Variants in OR1J2 observed in about 807,000 individuals in gnomAD.
OR1J2 encodes the protein olfactory receptor family 1 subfamily J member 2.
For missense variants in OR1J2, 304 were observed against 246.1 expected, an observed-to-expected ratio of 1.24 and a Z score of -1.57; for synonymous variants, 142 against 99.7, an observed-to-expected ratio of 1.42 and a Z score of -2.52.
At chr9:122,578,986 A>AAAG in the OR1J2 span, among the ~76,000 whole-genome samples, 133,819 of 151,250 alleles carry the variant, frequency 0.88, 59,307 homozygotes, top group East Asian at 0.98. Flanking sequence ...AATTACCACT[A>AAAG]AACTTATTCA....
chr9:122,513,096 A>G (rs112069751), downstream of OR1J2, among the ~76,000 whole-genome samples: 201 of 152,238 alleles, frequency 1.3e-3, no homozygotes, highest in African/African-American at 4.4e-3. Context: ...GGCTCACTTC[A>G]TTTGCCATGT....
chr9:122,522,967 C>A, the OR1J2 span, among the ~76,000 whole-genome samples: 2 of 152,160 alleles, frequency 1.3e-5, no homozygotes, highest in African/African-American at 4.8e-5. Context: ...TCATTTAATC[C>A]TCATAATAAT....
chr9:122,453,281 T>C, the OR1J2 span, among the ~76,000 whole-genome samples: 2 of 152,190 alleles, frequency 1.3e-5, no homozygotes, highest in African/African-American at 4.8e-5. Context: ...AAGAATGGCC[T>C]AGCACATTGC....
the OR1J2 span, among the ~76,000 whole-genome samples, chr9:122,493,592 T>C: frequency 6.6e-6 from 1 of 152,148 alleles, no homozygotes. Flanking sequence ...TCTTCTCTCT[T>C]CTTTTCTTGG....
the OR1J2 span, among the ~76,000 whole-genome samples, chr9:122,454,862 T>C: frequency 6.6e-6 from 1 of 152,238 alleles, no homozygotes; most frequent in Non-Finnish European, 1.5e-5. Context: ...TCTTTAACTT[T>C]AGGTTTCTTT....
At chr9:122,554,547 C>T in the OR1J2 span, among the ~76,000 whole-genome samples, 2 of 152,146 alleles carry the variant, frequency 1.3e-5, no homozygotes, top group East Asian at 1.9e-4. Context: ...ATTGACTATC[C>T]ACAATGTTCC....
At chr9:122,529,731 C>T in the OR1J2 span, among the ~76,000 whole-genome samples, 26 of 151,018 alleles carry the variant, frequency 1.7e-4, no homozygotes, top group South Asian at 5.5e-3. Context: ...CAATCCTTCC[C>T]TCTGTCATCC....
chr9:122,499,152 C>T, the OR1J2 span, among the ~76,000 whole-genome samples: 1 of 152,236 alleles, frequency 6.6e-6, no homozygotes, highest in Non-Finnish European at 1.5e-5. Flanking sequence ...CAGGGCTGGA[C>T]TGGGCAGGTT....
the OR1J2 span, among the ~76,000 whole-genome samples, chr9:122,486,900 C>A: frequency 3.3e-5 from 5 of 152,136 alleles, no homozygotes; most frequent in Non-Finnish European, 7.4e-5. Flanking sequence ...TCTGTAATTT[C>A]TTAAAAGCCT....
chr9:122,473,296 C>T, the OR1J2 span, among the ~76,000 whole-genome samples: 1 of 152,188 alleles, frequency 6.6e-6, no homozygotes, highest in Non-Finnish European at 1.5e-5. Context: ...GTTAAGCTTT[C>T]TCATTCACCT....
At chr9:122,574,584 T>G in the OR1J2 span, among the ~76,000 whole-genome samples, 1 of 151,954 alleles carries the variant, frequency 6.6e-6, no homozygotes, top group Non-Finnish European at 1.5e-5. Flanking sequence ...TCCAGGAATT[T>G]TTTTGTCAAT....
chr9:122,575,374 C>T, the OR1J2 span, among the ~76,000 whole-genome samples: 4 of 151,956 alleles, frequency 2.6e-5, no homozygotes, highest in Non-Finnish European at 5.9e-5. Context: ...TTTATAGATA[C>T]AGTTCTATCA....
chr9:122,464,469 G>A, the OR1J2 span, among the ~76,000 whole-genome samples: 1 of 152,324 alleles, frequency 6.6e-6, no homozygotes, highest in African/African-American at 2.4e-5. Flanking sequence ...CCCTCAAAGG[G>A]TCTGTGGATT....
the OR1J2 span, chr9:122,519,184 T>C: frequency 5.0e-6 from 8 of 1,613,510 alleles, no homozygotes; most frequent in East Asian, 2.2e-5. Context: ...TTCCTCCTCC[T>C]GGACCTCCCC....
the OR1J2 span, among the ~76,000 whole-genome samples, chr9:122,525,839 A>G: frequency 6.6e-6 from 1 of 152,080 alleles, no homozygotes. Context: ...CTCCATCTTT[A>G]TTTCTTTTGT....
At chr9:122,457,399 A>G in the OR1J2 span, among the ~76,000 whole-genome samples, 1 of 152,168 alleles carries the variant, frequency 6.6e-6, no homozygotes, top group African/African-American at 2.4e-5. Flanking sequence ...AAGAAAAATC[A>G]CTAATCAAAG....
the OR1J2 span, among the ~76,000 whole-genome samples, chr9:122,544,416 T>A: frequency 1.5e-3 from 38 of 24,842 alleles, no homozygotes; most frequent in African/African-American, 0.017. Context: ...CTCTTTTTTC[T>A]TTTTTTTTTT....
chr9:122,487,517 T>C, the OR1J2 span, among the ~76,000 whole-genome samples: 4 of 151,906 alleles, frequency 2.6e-5, no homozygotes, highest in African/African-American at 9.7e-5. Flanking sequence ...TCTGTAAGCA[T>C]TGGTCTTACC....
chr9:122,570,550 T>G, the OR1J2 span, among the ~76,000 whole-genome samples: 1 of 152,178 alleles, frequency 6.6e-6, no homozygotes, highest in African/African-American at 2.4e-5. Context: ...CACATTGTCA[T>G]GAGGATTTAA....
Sources: gnomAD v4.1 joint callset for allele counts (sites outside exome capture counted in the v4.1 genomes callset) on GRCh38, gnomAD v4.1.1 for gene constraint, MANE v1.5 for transcripts, NCBI Gene and HGNC (gene_info 2026-07-23, HGNC 2026-07-21) for gene names.